RPS6KA2: variants seen among roughly 807,000 people sequenced by gnomAD.
RPS6KA2 encodes the protein ribosomal protein S6 kinase alpha-2.
RPS6KA2 carries 42 observed loss-of-function variants against 91.8 expected under a neutral mutation model. The ratio of observed to expected loss-of-function variants is 0.46; its 90% confidence interval spans 0.36 to 0.59. The LOEUF (loss-of-function observed/expected upper bound fraction) is 0.59. Ranked by LOEUF, RPS6KA2 falls within the 20% of genes least tolerant of loss-of-function variation. The pLI, the probability that RPS6KA2 is intolerant of heterozygous loss-of-function variation, is 0.00. For synonymous variants in RPS6KA2, 414 were observed against 393.6 expected, an observed-to-expected ratio of 1.05 and a Z score of -0.61; for missense variants, 798 against 978.5, an observed-to-expected ratio of 0.82 and a Z score of 2.46.
intron 2 of RPS6KA2, among the ~76,000 whole-genome samples, chr6:166,745,522 C>T (rs1790976858): frequency 1.3e-5 from 2 of 152,196 alleles, no homozygotes; most frequent in South Asian, 4.1e-4. Flanking sequence ...ATTTTACCTT[C>T]ATCACCTCTC....
chr6:166,565,885 G>A (rs538624137), intron 1 of RPS6KA2, among the ~76,000 whole-genome samples: 2 of 152,360 alleles, frequency 1.3e-5, no homozygotes, highest in South Asian at 2.1e-4. Flanking sequence ...ACGCCTAGGA[G>A]CTACTGCAGC....
chr6:166,469,234 T>C (rs1780659836), intron 11 of RPS6KA2, among the ~76,000 whole-genome samples: 2 of 151,866 alleles, frequency 1.3e-5, no homozygotes, highest in South Asian at 4.1e-4. Context: ...TCTCAGACAA[T>C]GTCCAGCCTG....
chr6:166,613,753 ACGGCC>A (rs1786285927), intron 1 of RPS6KA2, among the ~76,000 whole-genome samples: 5 of 151,564 alleles, frequency 3.3e-5, no homozygotes, highest in African/African-American at 1.2e-4. Flanking sequence ...AGGGCTTTCC[ACGGCC>A]TTCAGGACAC....
rs560398386 is a variant in RPS6KA2, at chr6:166,412,555, G to A, written c.*207C>T. 1.7e-5 allele frequency: 8 copies of A among 474,578 alleles called. No individual in the cohort carries two copies. Among genetic ancestry groups the A allele is most frequent in the African/African-American group, 1.4e-4 (7 of 50,290 alleles). 29.4% of individuals were successfully genotyped at this position (474,578 alleles called of 1,614,324 possible). A position where few individuals can be genotyped will look rare whatever the true frequency, so the allele number is the denominator to read the frequency against. On this transcript the variant is annotated 3_prime_UTR_variant, in exon 21 of 21. Transcript: ENST00000265678. The surrounding 1 kb of genome is among the most constrained non-coding windows in gnomAD (Gnocchi z 4.3). ...TTTCGCTTGGGAGAAAAGAGAGCGG[G>A]CGGGGAGGCTGGCGCAGTGAGGCTT...
In RPS6KA2 at chr6:166,732,178, C is replaced by G. The variant is rs1790546008; in HGVS notation, c.123+126022G>C. Among the ~76,000 whole-genome samples, 2 of 149,000 alleles carry G rather than the reference C, an allele frequency of 1.3e-5. No homozygotes were observed. Among genetic ancestry groups the G allele is most frequent in the Non-Finnish European group, 2.9e-5 (2 of 67,924 alleles). On this transcript the variant is annotated intron_variant, in intron 2 of 21. Coordinates refer to the RPS6KA2 transcript ENST00000503859. The surrounding 1 kb of genome is among the most constrained non-coding windows in gnomAD (Gnocchi z 4.0). ...AGAAAAATACTTTAATACAATGTGC[C>G]AAAAACAGTAACATCAACCTGGATG...
At chr6:166,456,567 C>T (rs766819523) in intron 12 of RPS6KA2, among the ~76,000 whole-genome samples, 2 of 152,202 alleles carry the variant, frequency 1.3e-5, no homozygotes, top group African/African-American at 4.8e-5. Flanking sequence ...CCAGCTTGAG[C>T]GCTGGCTGAA....
Position 166,519,378 on chromosome 6 carries a change from C to T in RPS6KA2, c.299-9021G>A, listed in dbSNP as rs74789849. ...ATGTGAAAAGAATAAATGTTCTCGG[C>T]TATCTTGAGATTCGCTAATAAATGG... On this transcript the variant is annotated intron_variant, in intron 3 of 20. Transcript: ENST00000265678. Among the ~76,000 whole-genome samples the T allele has an allele frequency of 5.4e-4, 82 of 152,344 alleles. 5 individuals carry two copies. In the East Asian group the frequency reaches 0.015, roughly 28 times the overall value.
At chr6:166,502,079 A>AG (rs1562538520) in intron 6 of RPS6KA2, among the ~76,000 whole-genome samples, 1 of 152,224 alleles carries the variant, frequency 6.6e-6, no homozygotes, top group Admixed American at 6.5e-5. Context: ...GCTACTGTGC[A>AG]GGGGGACAGA....
At chr6:166,720,040 A>T (rs1481212009) in intron 2 of RPS6KA2, among the ~76,000 whole-genome samples, 1 of 152,204 alleles carries the variant, frequency 6.6e-6, no homozygotes, top group African/African-American at 2.4e-5. Flanking sequence ...CAAGCCCCAA[A>T]ATACCCTGAG....
intron 11 of RPS6KA2, among the ~76,000 whole-genome samples, chr6:166,461,850 C>A (rs1038643788): frequency 8.6e-5 from 13 of 151,970 alleles, no homozygotes; most frequent in African/African-American, 3.2e-4. Context: ...ACCCATCTTG[C>A]CCACCCCTGC....
chr6:166,717,846 TTTTC>T (rs1208255074), intron 2 of RPS6KA2, among the ~76,000 whole-genome samples: 4 of 144,998 alleles, frequency 2.8e-5, no homozygotes, highest in South Asian at 2.1e-4. Flanking sequence ...TTTTTTCTTC[TTTTC>T]TTTCTTTTTT....
chr6:166,588,385 G>C (rs1191446803), intron 1 of RPS6KA2, among the ~76,000 whole-genome samples: 1 of 152,062 alleles, frequency 6.6e-6, no homozygotes, highest in East Asian at 1.9e-4. Flanking sequence ...AAAAATGAGG[G>C]GTGGCTGAAC....
chr6:166,760,592 G>A (rs998758676), intron 2 of RPS6KA2, among the ~76,000 whole-genome samples: 1 of 152,210 alleles, frequency 6.6e-6, no homozygotes, highest in Admixed American at 6.5e-5. Flanking sequence ...TGCAAGCCAC[G>A]GAAAGCTTGA....
intron 2 of RPS6KA2, among the ~76,000 whole-genome samples, chr6:166,679,646 C>T (rs556385350): frequency 6.6e-6 from 1 of 152,330 alleles, no homozygotes; most frequent in South Asian, 2.1e-4. Flanking sequence ...GGCGGCGCTC[C>T]TCGATCTGGC....
intron 2 of RPS6KA2, among the ~76,000 whole-genome samples, chr6:166,760,057 G>A (rs1256321926): frequency 6.6e-6 from 1 of 152,168 alleles, no homozygotes; most frequent in East Asian, 1.9e-4. Flanking sequence ...TTTGTTTGAG[G>A]GTGTGGTGTT....
Position 166,862,241 on chromosome 6 carries a change from C to T in RPS6KA2, c.-71G>A, listed in dbSNP as rs529203000. ...GGAAATAAACAGAGGCTCGGACCGG[C>T]ACAGGGGGACGGCCAGACGGGATGT... is the stretch of plus-strand genomic sequence containing the variant. On this transcript the variant is annotated 5_prime_UTR_variant, in exon 1 of 22. Transcript: ENST00000503859. The T allele has an allele frequency of 3.1e-6, 5 of 1,608,700 alleles. No individual in the cohort carries two copies. In the South Asian group the frequency reaches 5.5e-5, roughly 18 times the overall value.
At chr6:166,589,916 A>C (rs1045307059) in intron 1 of RPS6KA2, among the ~76,000 whole-genome samples, 8 of 152,182 alleles carry the variant, frequency 5.3e-5, no homozygotes, top group African/African-American at 1.9e-4. Flanking sequence ...CATACCCACC[A>C]ACCCAACAAA....
chr6:166,482,001 C>T (rs1315374607), intron 10 of RPS6KA2, among the ~76,000 whole-genome samples: 2 of 148,656 alleles, frequency 1.3e-5, no homozygotes, highest in Non-Finnish European at 1.5e-5. Context: ...CCTCTCTGAT[C>T]GATCTTAAAG....
At chr6:166,638,383 C>T (rs554516241) in intron 2 of RPS6KA2, among the ~76,000 whole-genome samples, 1 of 152,214 alleles carries the variant, frequency 6.6e-6, no homozygotes, top group East Asian at 1.9e-4. Context: ...GAGATAAAAG[C>T]AAGATATGAA....
Sources: gnomAD v4.1 joint callset for allele counts (sites outside exome capture counted in the v4.1 genomes callset) on GRCh38, gnomAD v4.1.1 for gene constraint, Gnocchi (gnomAD v3.1) non-coding constraint, MANE v1.5 for transcripts, NCBI Gene and HGNC (gene_info 2026-07-23, HGNC 2026-07-21) for gene names.